Variants in SORCS1 observed in about 807,000 individuals in gnomAD.
SORCS1 encodes the protein sortilin related VPS10 domain containing receptor 1, also known as VPS10 domain-containing receptor SorCS1.
Under a neutral mutation model 146.1 loss-of-function variants are expected in SORCS1, and 60 were observed. The observed-to-expected ratio is 0.41, with a 90% CI of 0.33 to 0.51. The LOEUF (loss-of-function observed/expected upper bound fraction) is 0.51, where lower values mean the gene tolerates loss of function less well. Among genes scored for constraint, SORCS1 ranks in the 20% least tolerant of loss-of-function variants. SORCS1 has a pLI of 0.21. For missense variants in SORCS1, 1,352 were observed against 1,487.6 expected, an observed-to-expected ratio of 0.91 and a Z score of 1.50; for synonymous variants, 637 against 584.0, an observed-to-expected ratio of 1.09 and a Z score of -1.31.
intron 1 of SORCS1, among the ~76,000 whole-genome samples, chr10:107,045,662 T>C (rs1199546593): frequency 6.6e-6 from 1 of 152,090 alleles, no homozygotes; most frequent in Non-Finnish European, 1.5e-5. Flanking sequence ...ATGCCAATAT[T>C]TTAATTTATT....
intron 1 of SORCS1, among the ~76,000 whole-genome samples, chr10:107,028,915 T>C (rs373475700): frequency 6.6e-6 from 1 of 152,224 alleles, no homozygotes; most frequent in Non-Finnish European, 1.5e-5. Flanking sequence ...TTGTTCATCA[T>C]TAAAATGAAT....
At chr10:107,062,234 C>A (rs1961295728) in intron 1 of SORCS1, among the ~76,000 whole-genome samples, 1 of 152,068 alleles carries the variant, frequency 6.6e-6, no homozygotes, top group Non-Finnish European at 1.5e-5. Context: ...TGAATTTAAT[C>A]TCTTCTAAAT....
intron 9 of SORCS1, among the ~76,000 whole-genome samples, chr10:106,694,680 T>C (rs1853561989): frequency 6.6e-6 from 1 of 152,244 alleles, no homozygotes; most frequent in African/African-American, 2.4e-5. Flanking sequence ...ATCATAACCG[T>C]TGAGTTTTCT....
At chr10:106,628,635 C>T (rs748756045) in intron 19 of SORCS1, among the ~76,000 whole-genome samples, 16 of 152,152 alleles carry the variant, frequency 1.1e-4, no homozygotes, top group Non-Finnish European at 2.1e-4. Flanking sequence ...ACCACAGTTT[C>T]CTTAACACTG....
rs539131932 is a variant in SORCS1 at position 106,911,054 on chromosome 10, T to C, written c.626+45459A>G. Among the ~76,000 whole-genome samples the C allele has an allele frequency of 2.6e-5, 4 of 152,342 alleles. No homozygotes were observed. In the South Asian group the frequency reaches 8.3e-4, roughly 32 times the overall value. ...CTGTTCTTGGGTAAATCACTTAAAC[T>C]CTCTAAGCTCCAGGTGCTTCATTTG... On this transcript the variant is annotated intron_variant, in intron 2 of 25. Transcript: ENST00000263054.
intron 5 of SORCS1, among the ~76,000 whole-genome samples, chr10:106,733,115 A>AAC: frequency 7.8e-6 from 1 of 127,854 alleles, no homozygotes; most frequent in African/African-American, 3.2e-5. Flanking sequence ...TTCAAAAAAA[A>AAC]GAAAAGAAAA....
At chr10:106,706,714 G>GCTTCCTCCTTCCATTCA in intron 7 of SORCS1, 80 bp from the exon 8 acceptor site, 2 of 1,320,898 alleles carry the variant, frequency 1.5e-6, no homozygotes, top group Non-Finnish European at 2.2e-6. Context: ...CTGAATGGAA[G>GCTTCCTCCTTCCATTCA]GAGGAAGCTT....
chr10:106,579,014 A>G (rs1406799682), intron 25 of SORCS1: 3 of 1,555,756 alleles, frequency 1.9e-6, no homozygotes, highest in Non-Finnish European at 2.6e-6. Context: ...GGTTATGTCA[A>G]GCCAGAAAGG....
chr10:106,658,786 G>A (rs535817569), intron 17 of SORCS1, among the ~76,000 whole-genome samples: 6 of 152,266 alleles, frequency 3.9e-5, no homozygotes, highest in African/African-American at 1.4e-4. Flanking sequence ...ACAGGGCTAC[G>A]ATGGCATGGC....
chr10:106,882,360 G>T (rs1950837815), intron 2 of SORCS1, among the ~76,000 whole-genome samples: 1 of 152,020 alleles, frequency 6.6e-6, no homozygotes, highest in Non-Finnish European at 1.5e-5. Flanking sequence ...AGCCATTCTG[G>T]ACTGTGAGTT....
chr10:106,719,272 T>C (rs1564894290), intron 6 of SORCS1, among the ~76,000 whole-genome samples: 1 of 152,150 alleles, frequency 6.6e-6, no homozygotes, highest in Non-Finnish European at 1.5e-5. Flanking sequence ...CTCCAGGTGT[T>C]TTATTTTTAT....
intron 1 of SORCS1, among the ~76,000 whole-genome samples, chr10:107,045,203 T>G (rs1413265848): frequency 6.6e-6 from 1 of 152,178 alleles, no homozygotes; most frequent in African/African-American, 2.4e-5. Flanking sequence ...GGCTATAAGC[T>G]TAAGTGTGCA....
chr10:107,154,327 G>C (rs1969100731), intron 1 of SORCS1, among the ~76,000 whole-genome samples: 1 of 151,944 alleles, frequency 6.6e-6, no homozygotes, highest in South Asian at 2.1e-4. Flanking sequence ...TAGGGACTTG[G>C]GATATATGAG....
chr10:107,094,525 A>G (rs1291365126), intron 1 of SORCS1, among the ~76,000 whole-genome samples: 1 of 152,240 alleles, frequency 6.6e-6, no homozygotes, highest in East Asian at 1.9e-4. Context: ...TATAAACTAT[A>G]GAATAAAAAT....
At chr10:106,714,130 T>C (rs1855190798) in intron 6 of SORCS1, among the ~76,000 whole-genome samples, 1 of 44,502 alleles carries the variant, frequency 2.2e-5, no homozygotes. Flanking sequence ...AGTGAAACTC[T>C]GCCTCAAAAA....
At chr10:106,895,480 G>A (rs182734052) in intron 2 of SORCS1, among the ~76,000 whole-genome samples, 50 of 152,180 alleles carry the variant, frequency 3.3e-4, no homozygotes, top group Middle Eastern at 3.4e-3. Flanking sequence ...GCATGGTGGC[G>A]TGCACCTGCA....
intron 1 of SORCS1, among the ~76,000 whole-genome samples, chr10:107,155,673 C>A (rs1051757285): frequency 6.6e-6 from 1 of 152,020 alleles, no homozygotes; most frequent in African/African-American, 2.4e-5. Context: ...CGCTTTTAAT[C>A]TGCCCCACCG....
At chr10:106,814,126 CGATGT>C (rs982954244) in intron 3 of SORCS1, among the ~76,000 whole-genome samples, 20 of 152,176 alleles carry the variant, frequency 1.3e-4, no homozygotes, top group African/African-American at 4.6e-4. Flanking sequence ...TTGGGATCCT[CGATGT>C]AGAATCCTTT....
intron 1 of SORCS1, among the ~76,000 whole-genome samples, chr10:106,982,959 C>T (rs1184884580): frequency 1.3e-5 from 2 of 151,720 alleles, no homozygotes; most frequent in Non-Finnish European, 2.9e-5. Context: ...TCACAAGTGC[C>T]TAGCTTCCTG....
Sources: allele counts gnomAD v4.1 joint callset (sites outside exome capture counted in the v4.1 genomes callset), GRCh38; gene constraint gnomAD v4.1.1; transcripts MANE v1.5; gene names NCBI Gene and HGNC (gene_info 2026-07-23, HGNC 2026-07-21).